GULP1: variants seen among roughly 807,000 people sequenced by gnomAD.
GULP1 encodes GULP PTB domain containing engulfment adaptor 1.
Under a neutral mutation model 40.9 loss-of-function variants are expected in GULP1, and 19 were observed. The ratio of observed to expected loss-of-function variants is 0.46; its 90% CI spans 0.32 to 0.68. The LOEUF is 0.68. Ranked by LOEUF, GULP1 falls within the 30% of genes least tolerant of loss-of-function variation. The pLI is 0.03. For missense variants in GULP1, 312 were observed against 362.2 expected, an observed-to-expected ratio of 0.86 and a Z score of 1.12; for synonymous variants, 119 against 117.6, an observed-to-expected ratio of 1.01 and a Z score of -0.08.
At chr2:188,459,764 T>G (rs1390037067) in intron 2 of GULP1, among the ~76,000 whole-genome samples, 1 of 152,188 alleles carries the variant, frequency 6.6e-6, no homozygotes, top group Non-Finnish European at 1.5e-5. Flanking sequence ...CTTATAGTAG[T>G]TTCATAATTT....
intron 4 of GULP1, among the ~76,000 whole-genome samples, chr2:188,504,813 TTTTG>T (rs994921103): frequency 4.9e-4 from 75 of 152,026 alleles, no homozygotes; most frequent in African/African-American, 1.8e-3. Context: ...TAACTGGTTT[TTTTG>T]TTTGTTTGTT....
At chr2:188,413,172 TA>T (rs2054137641) in intron 2 of GULP1, among the ~76,000 whole-genome samples, 1 of 152,204 alleles carries the variant, frequency 6.6e-6, no homozygotes, top group Non-Finnish European at 1.5e-5. Context: ...ATGAGATGCA[TA>T]AGAGTGCAGT....
intron 2 of GULP1, among the ~76,000 whole-genome samples, chr2:188,429,106 A>G (rs904671872): frequency 6.6e-6 from 1 of 152,154 alleles, no homozygotes; most frequent in Non-Finnish European, 1.5e-5. Context: ...CTGGTACTAT[A>G]TCACATGAAG....
chr2:188,354,018 C>T (rs1253189936), intron 1 of GULP1, among the ~76,000 whole-genome samples: 1 of 152,078 alleles, frequency 6.6e-6, no homozygotes, highest in African/African-American at 2.4e-5. Flanking sequence ...TAGTACCCTG[C>T]TTCCCTGGAG....
At chr2:188,423,144 G>A (rs2055685668) in intron 2 of GULP1, among the ~76,000 whole-genome samples, 1 of 152,028 alleles carries the variant, frequency 6.6e-6, no homozygotes, top group African/African-American at 2.4e-5. Flanking sequence ...GGTGAACTTT[G>A]GAGAAACTCT....
intron 6 of GULP1, among the ~76,000 whole-genome samples, chr2:188,538,822 GAC>G (rs899979372): frequency 2.9e-4 from 44 of 151,282 alleles, no homozygotes; most frequent in Non-Finnish European, 3.1e-4. Context: ...ATACATAAGT[GAC>G]ACACAAAAAA....
intron 2 of GULP1, among the ~76,000 whole-genome samples, chr2:188,400,923 T>TTGTGTGTGTGTG (rs61060931): frequency 1.6e-4 from 23 of 139,642 alleles, no homozygotes; most frequent in East Asian, 6.4e-4. Flanking sequence ...AGTGGTGTGT[T>TTGTGTGTGTGTG]TGTGTGTGTG....
intron 1 of GULP1, among the ~76,000 whole-genome samples, chr2:188,307,320 A>G (rs996381031): frequency 6.6e-6 from 1 of 152,196 alleles, no homozygotes; most frequent in Non-Finnish European, 1.5e-5. Context: ...AAATTAGGAT[A>G]CAAAATTAAT....
At chr2:188,491,874 A>G (rs1403443767) in intron 4 of GULP1, among the ~76,000 whole-genome samples, 1 of 152,096 alleles carries the variant, frequency 6.6e-6, no homozygotes, top group African/African-American at 2.4e-5. Flanking sequence ...TCATTTCCAG[A>G]GCTGTTATGC....
intron 1 of GULP1, among the ~76,000 whole-genome samples, chr2:188,299,896 G>T (rs888134828): frequency 6.6e-6 from 1 of 152,190 alleles, no homozygotes; most frequent in Non-Finnish European, 1.5e-5. Flanking sequence ...AGGCAAGAAG[G>T]CATGAAGCCA....
intron 1 of GULP1, chr2:188,293,226 A>G (rs1351407784): frequency 6.6e-6 from 1 of 152,244 alleles, no homozygotes; most frequent in Non-Finnish European, 1.5e-5. Context: ...AGGTCCTAGT[A>G]GTGTTTCCCA....
chr2:188,388,135 G>T (rs867868214), intron 2 of GULP1, among the ~76,000 whole-genome samples: 8 of 151,304 alleles, frequency 5.3e-5, no homozygotes, highest in Middle Eastern at 3.4e-3. Flanking sequence ...GCGGTGTTTG[G>T]TTTTTTTGTC....
At chr2:188,300,429 A>G (rs79850443) in intron 1 of GULP1, among the ~76,000 whole-genome samples, 151 of 152,270 alleles carry the variant, frequency 9.9e-4, no homozygotes, top group Non-Finnish European at 1.8e-3. Flanking sequence ...TGACTTATTT[A>G]AGATTATATA....
chr2:188,460,915 C>T (rs2059651620), intron 2 of GULP1, among the ~76,000 whole-genome samples: 1 of 152,140 alleles, frequency 6.6e-6, no homozygotes, highest in Non-Finnish European at 1.5e-5. Flanking sequence ...ATCCTTCAGT[C>T]TGTTTTTATG....
chr2:188,425,506 CT>C (rs1432300528), intron 2 of GULP1, among the ~76,000 whole-genome samples: 1 of 152,058 alleles, frequency 6.6e-6, no homozygotes, highest in Non-Finnish European at 1.5e-5. Context: ...AGTCAGAGTT[CT>C]TTTTTCTTTA....
intron 1 of GULP1, among the ~76,000 whole-genome samples, chr2:188,377,223 A>G (rs1008729857): frequency 6.6e-6 from 1 of 152,176 alleles, no homozygotes; most frequent in Admixed American, 6.5e-5. Flanking sequence ...ATTTATGTAC[A>G]AAGATATGTA....
At chr2:188,566,334 T>C (rs568999424) in intron 7 of GULP1, among the ~76,000 whole-genome samples, 228 of 152,250 alleles carry the variant, frequency 1.5e-3, no homozygotes, top group Non-Finnish European at 2.4e-3. Context: ...AGTAAGATAA[T>C]ATATGCAGAA....
In GULP1 at chr2:188,327,316, T is replaced by G. The variant is rs547387877; in HGVS notation, c.-172+35150T>G. Among the ~76,000 whole-genome samples the G allele has an allele frequency of 2.0e-5, 3 of 152,290 alleles. No homozygotes were observed. The South Asian group carries it at 6.2e-4, about 32-fold the overall frequency. The stretch of plus-strand genomic sequence containing the variant: ...GTTTTCATCATTTTGGACAGGATTA[T>G]TTGAATCTGGCAATAGATGGACAAG... On this transcript the variant is annotated intron_variant, in intron 1 of 11. Transcript: ENST00000409830.
intron 1 of GULP1, among the ~76,000 whole-genome samples, chr2:188,341,031 CA>C (rs1189730462): frequency 1.3e-5 from 2 of 152,056 alleles, no homozygotes; most frequent in South Asian, 2.1e-4. Flanking sequence ...TGGGACAGGT[CA>C]GGGGTGGTTT....
Sources: allele counts gnomAD v4.1 joint callset (sites outside exome capture counted in the v4.1 genomes callset), GRCh38; gene constraint gnomAD v4.1.1; transcripts MANE v1.5; gene names NCBI Gene and HGNC (gene_info 2026-07-23, HGNC 2026-07-21).